TMEM45B: variants seen among roughly 807,000 people sequenced by gnomAD.
The protein encoded by TMEM45B is transmembrane protein 45B.
A neutral mutation model predicts 27.3 loss-of-function variants in TMEM45B; 29 were observed. The observed-to-expected ratio is 1.06, with a 90% CI of 0.79 to 1.45. The LOEUF (loss-of-function observed/expected upper bound fraction) is 1.45, where lower values mean the gene tolerates loss of function less well. Ranked by LOEUF, TMEM45B falls within the 40% of genes most tolerant of loss-of-function variation. The pLI, the probability that TMEM45B is intolerant of heterozygous loss-of-function variation, is 0.00. For synonymous variants in TMEM45B, 143 were observed against 134.7 expected, an observed-to-expected ratio of 1.06 and a Z score of -0.43; for missense variants, 348 against 343.9, an observed-to-expected ratio of 1.01 and a Z score of -0.09.
intron 1 of TMEM45B, among the ~76,000 whole-genome samples, chr11:129,837,283 T>C (rs1342270119): frequency 6.6e-6 from 1 of 151,766 alleles, no homozygotes; most frequent in African/African-American, 2.4e-5. Flanking sequence ...AGGGGTTTCT[T>C]TTTTTTCTTT....
In TMEM45B at chr11:129,855,592, GTTA is replaced by G. The variant is rs945102756; in HGVS notation, c.386-114_386-112del. 4.1e-6 allele frequency: 4 copies of G among 969,524 alleles called. No individual in the cohort carries two copies. The African/African-American group carries it at 6.4e-5, about 16-fold the overall frequency. The allele number at this position is 969,524 out of a possible 1,614,324, so 60.1% of individuals were successfully genotyped here. A position where few individuals can be genotyped will look rare whatever the true frequency, so the allele number is the denominator to read the frequency against. ...CTCGCATCTGTTTGCTGCCTGTAAT[GTTA>G]TGTACTAACTGCCTAAATGCTGAAG... On this transcript the variant is annotated intron_variant, in intron 3 of 5. Transcript: ENST00000281441.
Position 129,858,803 on chromosome 11 carries a change from C to CGG in TMEM45B, c.*118_*119insGG. 1.5e-6 allele frequency: 1 copy of CGG among 656,706 alleles called. No homozygotes were observed. Among genetic ancestry groups the CGG allele is most frequent in the Non-Finnish European group, 2.5e-6 (1 of 393,526 alleles). 40.7% of individuals were successfully genotyped at this position (656,706 alleles called of 1,614,324 possible). ...AAGGGTCTATATATTTGCACCTCCT[C>CGG]ATTCAACACAGGGCTGGAGGTTCTA... On this transcript the variant is annotated 3_prime_UTR_variant, in exon 6 of 6. Coordinates refer to ENST00000281441, the MANE Select transcript of TMEM45B (RefSeq NM_138788.5).
At chr11:129,827,324 G>A (rs994349986) in intron 1 of TMEM45B, among the ~76,000 whole-genome samples, 3 of 152,308 alleles carry the variant, frequency 2.0e-5, no homozygotes, top group East Asian at 1.9e-4. Flanking sequence ...TAGGCTATGC[G>A]GTGTATACTG....
intron 1 of TMEM45B, among the ~76,000 whole-genome samples, chr11:129,821,825 T>G (rs1422913232): frequency 6.6e-6 from 1 of 151,838 alleles, no homozygotes; most frequent in Non-Finnish European, 1.5e-5. Flanking sequence ...TGATATTTCA[T>G]GATGTTGTTA....
At chr11:129,826,564 A>AAAAAAAC (rs1227885500) in intron 1 of TMEM45B, among the ~76,000 whole-genome samples, 3 of 135,950 alleles carry the variant, frequency 2.2e-5, no homozygotes, top group African/African-American at 5.4e-5. Flanking sequence ...AAAAAAAAAA[A>AAAAAAAC]AAAAGGACCC....
rs141509714 is a variant in TMEM45B at position 129,846,329 on chromosome 11, G to A, written c.-8-6146G>A. On this transcript the variant is annotated intron_variant, in intron 1 of 5. Transcript: ENST00000281441. Reference sequence around the variant, plus strand: ...CTAAAAATACAAAAATTAGCCAGGCGTGGTGGCACCATCCTTCATTCCAGC... The same window carrying A: ...CTAAAAATACAAAAATTAGCCAGGCATGGTGGCACCATCCTTCATTCCAGC... Among the ~76,000 whole-genome samples, 266 of 152,242 alleles carry A rather than the reference G, an allele frequency of 1.7e-3. 2 individuals carry two copies. Among genetic ancestry groups the A allele is most frequent in the Middle Eastern group, 0.01 (3 of 294 alleles).
At position 129,819,823 on chromosome 11, in the gene TMEM45B, G is replaced by A. The variant is rs1410678452; in HGVS notation, c.-9+3925G>A. On this transcript the variant is annotated intron_variant, in intron 1 of 5. Transcript: ENST00000281441. ...CCCCCCTCGGCCTCCCAAAGTGCTGGGATTACAGATGTGAGCCACCACGCC... is the reference window on the plus strand; with the variant it reads ...CCCCCCTCGGCCTCCCAAAGTGCTGAGATTACAGATGTGAGCCACCACGCC... Among the ~76,000 whole-genome samples the A allele has an allele frequency of 2.0e-5, 3 of 151,648 alleles. No individual in the cohort carries two copies. The East Asian group carries it at 5.9e-4, about 30-fold the overall frequency.
intron 4 of TMEM45B, among the ~76,000 whole-genome samples, chr11:129,856,829 G>A (rs2135612613): frequency 6.7e-6 from 1 of 149,870 alleles, no homozygotes; most frequent in South Asian, 2.1e-4. Flanking sequence ...AAAGTGCTAG[G>A]ATTACAGGCA....
chr11:129,823,088 C>T (rs1372034627), intron 1 of TMEM45B, among the ~76,000 whole-genome samples: 2 of 152,134 alleles, frequency 1.3e-5, no homozygotes, highest in Non-Finnish European at 2.9e-5. Flanking sequence ...ATCCACCCAC[C>T]TCGGCCTCCC....
chr11:129,824,361 G>A (rs1035230676), intron 1 of TMEM45B, among the ~76,000 whole-genome samples: 1 of 152,108 alleles, frequency 6.6e-6, no homozygotes, highest in African/African-American at 2.4e-5. Flanking sequence ...CAATATGTCT[G>A]TATCTGTTTT....
intron 1 of TMEM45B, among the ~76,000 whole-genome samples, chr11:129,838,475 T>G (rs1947651244): frequency 6.6e-6 from 1 of 152,200 alleles, no homozygotes; most frequent in Non-Finnish European, 1.5e-5. Flanking sequence ...ATCTTAATTT[T>G]TTTGTGAGAC....
At chr11:129,852,448 C>A in intron 1 of TMEM45B, 27 bp from the exon 2 acceptor site, 1 of 1,570,662 alleles carries the variant, frequency 6.4e-7, no homozygotes. Context: ...TCATTAGCCA[C>A]CTAACAGCCT....
At chr11:129,816,254 G>A (rs1200816204) in intron 1 of TMEM45B, among the ~76,000 whole-genome samples, 4 of 152,154 alleles carry the variant, frequency 2.6e-5, no homozygotes, top group African/African-American at 4.8e-5. Context: ...GTTGCCCGGT[G>A]AGGGGAAGGT....
At chr11:129,846,465 CA>C (rs35029516) in intron 1 of TMEM45B, among the ~76,000 whole-genome samples, 68,589 of 144,334 alleles carry the variant, frequency 0.48, 15,629 homozygotes, top group East Asian at 0.54. Flanking sequence ...GACTCTTTCT[CA>C]AAAAAAAAAA....
chr11:129,853,472 T>G (rs1437596438), intron 2 of TMEM45B, among the ~76,000 whole-genome samples: 1 of 152,198 alleles, frequency 6.6e-6, no homozygotes, highest in Admixed American at 6.5e-5. Flanking sequence ...CTGCTGAATG[T>G]CCCCACTCAC....
chr11:129,855,845 C>A lies in TMEM45B; in HGVS notation c.523C>A (p.Leu175Ile). The change falls in exon 4 of 6, where the codon CTT becomes ATT. Residue 175 changes from leucine (L) to isoleucine (I), a missense_variant. Transcript: ENST00000281441. ...CTTCCGGGACCACATTGTGCTGGAA[C>A]TTTTCCGAACCAGTCTCATCATTCT... The part of the protein sequence containing the change: ...VIFRDHIVLE[L>I]FRTSLIILQG... The A allele has an allele frequency of 1.2e-6, 2 of 1,614,176 alleles. No individual in the cohort carries two copies. The highest frequency in any genetic ancestry group is 1.7e-6 in the Non-Finnish European group (2 of 1,180,040).
chr11:129,852,490 A>C lies in TMEM45B; in HGVS notation c.8A>C (p.Asn3Thr), dbSNP rs770942750. Residue 3 changes from asparagine to threonine, a missense_variant, in exon 2 of 6, where the codon AAT (asparagine) becomes ACT (threonine). Physicochemically the swap from Asn to Thr is moderately conservative, Grantham distance 65 (BLOSUM62 0). Transcript: ENST00000281441. ...AATTTTTTAGGTGTCCTGATGGCAA[A>C]TTTCAAGGGCCACGCGCTTCCAGGG... MA[N>T]FKGHALPGSF... The C allele has an allele frequency of 4.5e-5, 72 of 1,589,310 alleles. No individual in the cohort carries two copies. Among genetic ancestry groups the C allele is most frequent in the Non-Finnish European group, 1.1e-5 (13 of 1,161,156 alleles).
Position 129,818,290 on chromosome 11 carries a change from A to G in TMEM45B, c.-9+2392A>G, listed in dbSNP as rs1285565067. 2.0e-5 allele frequency among the ~76,000 whole-genome samples: 3 copies of G among 152,224 alleles called. No homozygotes were observed. In the East Asian group the frequency reaches 5.8e-4, roughly 29 times the overall value. ...AGCTACACTACTGGAGGAAAAAGGA[A>G]AGCTAAAAGGTCTATCAGCCTTCTG... On this transcript the variant is annotated intron_variant, in intron 1 of 5. Transcript: ENST00000281441.
intron 1 of TMEM45B, among the ~76,000 whole-genome samples, chr11:129,827,738 G>A (rs1489490776): frequency 1.3e-5 from 2 of 152,234 alleles, no homozygotes; most frequent in Non-Finnish European, 2.9e-5. Context: ...GGAGGCGGAG[G>A]TTGCCATGAG....
Sources: gnomAD v4.1 joint callset for allele counts (sites outside exome capture counted in the v4.1 genomes callset) on GRCh38, gnomAD v4.1.1 for gene constraint, MANE v1.5 for transcripts, NCBI Gene and HGNC (gene_info 2026-07-23, HGNC 2026-07-21) for gene names.